The following RBFOX1 variants were observed in gnomAD, a reference collection of about 807,000 sequenced individuals.
RBFOX1 encodes the protein RNA binding protein fox-1 homolog 1.
A neutral mutation model predicts 57.7 loss-of-function variants in RBFOX1; 8 were observed. The observed-to-expected ratio is 0.14, with a 90% CI of 0.08 to 0.25. RBFOX1 has a LOEUF of 0.25. Among genes scored for constraint, RBFOX1 ranks in the 10% least tolerant of loss-of-function variants. The pLI is 1.00. For synonymous variants in RBFOX1, 326 were observed against 222.4 expected (o/e 1.47, Z -4.15); for missense variants, 611 against 548.5 (o/e 1.11, Z -1.14).
At chr16:6,824,357 G>T (rs4786941) in intron 3 of RBFOX1, among the ~76,000 whole-genome samples, 1 of 152,040 alleles carries the variant, frequency 6.6e-6, no homozygotes, top group Non-Finnish European at 1.5e-5. Context: ...ATTGAGCTGA[G>T]ATCATGCTAC....
At chr16:7,289,455 C>G (rs1252767828) in intron 4 of RBFOX1, among the ~76,000 whole-genome samples, 1 of 152,110 alleles carries the variant, frequency 6.6e-6, no homozygotes, top group Non-Finnish European at 1.5e-5. Flanking sequence ...TCATCATCAG[C>G]AAGAGCATCA....
At position 7,237,960 on chromosome 16, in the gene RBFOX1, C is replaced by T. The variant is rs888148147; in HGVS notation, c.27+185862C>T. 5.3e-5 allele frequency among the ~76,000 whole-genome samples: 8 copies of T among 152,156 alleles called. No homozygotes were observed. In the South Asian group the frequency reaches 6.2e-4, roughly 12 times the overall value. On this transcript the variant is annotated intron_variant, in intron 4 of 15. Transcript: ENST00000550418. ...TGGAGGTTACAGTGAGCCCACGTCG[C>T]GTCCCTGCACGCAAGCCTAGGCAAG...
intron 1 of RBFOX1, among the ~76,000 whole-genome samples, chr16:5,419,171 A>G (rs1442803487): frequency 6.6e-6 from 1 of 152,180 alleles, no homozygotes; most frequent in African/African-American, 2.4e-5. Flanking sequence ...CTCTAGAGAA[A>G]CAGAACTAAT....
chr16:5,517,354 C>A (rs955331666), intron 2 of RBFOX1, among the ~76,000 whole-genome samples: 3 of 152,236 alleles, frequency 2.0e-5, no homozygotes, highest in African/African-American at 7.2e-5. Flanking sequence ...TGTCTTCTCA[C>A]TATAGGCTTT....
Position 6,814,896 on chromosome 16 carries a change from C to T in RBFOX1, c.-16+160246C>T, listed in dbSNP as rs75404280. The stretch of plus-strand genomic sequence containing the variant: ...ACCTTGCACAGAAAAGAATTTGGGG[C>T]GAGTCCATAGAGTAAAATGAAAGCA... On this transcript the variant is annotated intron_variant, in intron 3 of 15. Transcript: ENST00000550418. 1.8e-3 allele frequency among the ~76,000 whole-genome samples: 271 copies of T among 151,932 alleles called. 4 individuals are homozygous for T. The East Asian group carries it at 0.036, about 20-fold the overall frequency.
At chr16:6,032,883 T>TA (rs1333570649) in intron 1 of RBFOX1, among the ~76,000 whole-genome samples, 1 of 19,922 alleles carries the variant, frequency 5.0e-5, no homozygotes, top group East Asian at 0.011. Context: ...CTAGTGTAAG[T>TA]TTTTTTTTTT....
chr16:7,053,816 C>T (rs578073847), intron 4 of RBFOX1, among the ~76,000 whole-genome samples: 1 of 152,172 alleles, frequency 6.6e-6, no homozygotes, highest in African/African-American at 2.4e-5. Context: ...TCTCTAACAT[C>T]ACGAACCAGT....
At chr16:7,471,836 A>T (rs2061606940) in intron 4 of RBFOX1, among the ~76,000 whole-genome samples, 2 of 152,192 alleles carry the variant, frequency 1.3e-5, no homozygotes, top group Non-Finnish European at 2.9e-5. Context: ...TGACCCACAG[A>T]TTGGCTGTCA....
intron 1 of RBFOX1, among the ~76,000 whole-genome samples, chr16:5,462,370 G>A (rs202186205): frequency 2.6e-5 from 4 of 151,576 alleles, no homozygotes; most frequent in East Asian, 3.9e-4. Flanking sequence ...GGGTTTCACC[G>A]TGTTGGCCAG....
chr16:6,051,039 C>A (rs1346283825), intron 1 of RBFOX1, among the ~76,000 whole-genome samples: 2 of 148,192 alleles, frequency 1.3e-5, no homozygotes, highest in Non-Finnish European at 3.0e-5. Context: ...ATATTTGCTA[C>A]CCCACACCTG....
At chr16:5,424,415 C>G (rs1196737458) in intron 1 of RBFOX1, among the ~76,000 whole-genome samples, 2 of 152,196 alleles carry the variant, frequency 1.3e-5, no homozygotes, top group African/African-American at 4.8e-5. Flanking sequence ...TTTCTGAACT[C>G]TGTCCCCACC....
chr16:7,639,052 T>A (rs532106714), intron 11 of RBFOX1, among the ~76,000 whole-genome samples: 67 of 152,280 alleles, frequency 4.4e-4, no homozygotes, highest in African/African-American at 1.5e-3. Flanking sequence ...TACAAATTGA[T>A]CTTGATTTAA....
At chr16:6,383,457 T>G (rs2091989836) in intron 2 of RBFOX1, among the ~76,000 whole-genome samples, 1 of 152,158 alleles carries the variant, frequency 6.6e-6, no homozygotes, top group South Asian at 2.1e-4. Context: ...TCCAATTCAC[T>G]GAATGCACCA....
chr16:7,576,212 C>G (rs1263513385), intron 5 of RBFOX1, among the ~76,000 whole-genome samples: 7 of 152,096 alleles, frequency 4.6e-5, no homozygotes, highest in Admixed American at 2.0e-4. Context: ...GCATGAGCCA[C>G]TGCACCTAGC....
At chr16:7,522,228 CT>C (rs2077665378) in intron 5 of RBFOX1, among the ~76,000 whole-genome samples, 1 of 152,158 alleles carries the variant, frequency 6.6e-6, no homozygotes, top group East Asian at 1.9e-4. Context: ...CATGGTGAAC[CT>C]TTTGTACAAA....
intron 1 of RBFOX1, among the ~76,000 whole-genome samples, chr16:5,284,948 T>C (rs1567279512): frequency 6.6e-6 from 1 of 151,948 alleles, no homozygotes; most frequent in South Asian, 2.1e-4. Flanking sequence ...GAGAAGACCT[T>C]TTTGGGTTGT....
At chr16:7,004,802 C>G (rs773259529) in intron 3 of RBFOX1, among the ~76,000 whole-genome samples, 3 of 152,120 alleles carry the variant, frequency 2.0e-5, no homozygotes, top group Non-Finnish European at 2.9e-5. Context: ...CCACGTGTCT[C>G]TATAAGTGGC....
At chr16:5,823,985 C>G (rs976266407) in intron 3 of RBFOX1, among the ~76,000 whole-genome samples, 29 of 152,172 alleles carry the variant, frequency 1.9e-4, no homozygotes, top group Non-Finnish European at 3.2e-4. Flanking sequence ...GCCAAAAAGG[C>G]TGGGAACCAC....
chr16:6,369,077 T>G (rs1473792375), intron 2 of RBFOX1, among the ~76,000 whole-genome samples: 4 of 152,214 alleles, frequency 2.6e-5, no homozygotes, highest in African/African-American at 9.7e-5. Flanking sequence ...TAGGGATATA[T>G]GTATATATAC....
Sources: allele counts gnomAD v4.1 joint callset (sites outside exome capture counted in the v4.1 genomes callset), GRCh38; gene constraint gnomAD v4.1.1; transcripts MANE v1.5; gene names NCBI Gene and HGNC (gene_info 2026-07-23, HGNC 2026-07-21).